Variants in TTC34 observed in about 807,000 individuals in gnomAD.
TTC34 encodes tetratricopeptide repeat protein 34.
A neutral mutation model predicts 40.7 loss-of-function variants in TTC34; 44 were observed. That is an observed-to-expected ratio of 1.08 (90% CI 0.85 to 1.39). TTC34 has a LOEUF of 1.39. Ranked by LOEUF, TTC34 falls within the 40% of genes most tolerant of loss-of-function variation. The pLI, the probability that TTC34 is intolerant of heterozygous loss-of-function variation, is 0.00. For synonymous variants in TTC34, 422 were observed against 398.6 expected (o/e 1.06, Z -0.70); for missense variants, 884 against 838.0 (o/e 1.05, Z -0.68).
At chr1:2,683,347 T>G (rs77135792) in intron 6 of TTC34, among the ~76,000 whole-genome samples, 3 of 105,378 alleles carry the variant, frequency 2.8e-5, no homozygotes, top group Admixed American at 1.0e-4. Flanking sequence ...AACACCACCC[T>G]GCACCCCCAG....
intron 8 of TTC34, 52 bp downstream of exon 8, chr1:2,644,212 C>T (rs1638971565): frequency 1.3e-6 from 2 of 1,495,448 alleles, no homozygotes; most frequent in Admixed American, 2.0e-5. Flanking sequence ...GGGTCTCATG[C>T]CTGTGTGCTG....
intron 6 of TTC34, among the ~76,000 whole-genome samples, chr1:2,691,134 C>A (rs571669290): frequency 1.5e-5 from 1 of 68,150 alleles, no homozygotes; most frequent in African/African-American, 5.0e-5. Context: ...TGGAACAGAA[C>A]CCACACCGCC....
At chr1:2,685,576 T>A (rs1177929707) in intron 6 of TTC34, among the ~76,000 whole-genome samples, 22 of 17,640 alleles carry the variant, frequency 1.2e-3, no homozygotes, top group Admixed American at 2.5e-3. Flanking sequence ...CGAGTATCTG[T>A]ACGCACAGAG....
rs1322046887 is a variant in TTC34, at chr1:2,787,468, C to T, written c.1854+13G>A. 5.5e-6 allele frequency: 8 copies of T among 1,466,456 alleles called. No homozygotes were observed. The South Asian group carries it at 1.1e-4, about 20-fold the overall frequency. The allele number at this position is 1,466,456 out of a possible 1,614,324, so 90.8% of individuals were successfully genotyped here. A position where few individuals can be genotyped will look rare whatever the true frequency, so the allele number is the denominator to read the frequency against. ...TTTCCACCTGCCCTCTGTCACCCCC[C>T]AGGCCTCCTCACCTGGTTGGCGTCA... On this transcript the variant is annotated intron_variant, in intron 4 of 8. Coordinates refer to ENST00000401095, the Ensembl canonical transcript of TTC34.
intron 6 of TTC34, among the ~76,000 whole-genome samples, chr1:2,750,858 C>T (rs1317820373): frequency 0.19 from 22,615 of 119,154 alleles, 4,275 homozygotes; most frequent in South Asian, 0.34. Flanking sequence ...CCCAGGTGAG[C>T]ATCTGACAGC....
chr1:2,789,282 A>G (rs1643631937), intron 3 of TTC34, among the ~76,000 whole-genome samples: 1 of 152,158 alleles, frequency 6.6e-6, no homozygotes, highest in Non-Finnish European at 1.5e-5. Context: ...ACATGCACCA[A>G]ACGAAAGGCC....
rs1435435372 is a variant in TTC34, at chr1:2,792,410, T to C, written c.785-2064A>G. 2.0e-5 allele frequency among the ~76,000 whole-genome samples: 3 copies of C among 152,230 alleles called. No individual in the cohort carries two copies. The East Asian group carries it at 5.8e-4, about 29-fold the overall frequency. ...TAGGGATTTCTTTTTCTCCTTACTG[T>C]AGCTCATATTTTATTTTCCTGTCTC... On this transcript the variant is annotated intron_variant, in intron 2 of 8. Coordinates refer to ENST00000401095, the Ensembl canonical transcript of TTC34.
rs138973064 is a variant in TTC34, at chr1:2,786,694, G to A, written c.1855-671C>T. Among the ~76,000 whole-genome samples, 526 of 152,306 alleles carry A rather than the reference G, an allele frequency of 3.5e-3. 3 individuals carry two copies. Among genetic ancestry groups the A allele is most frequent in the Non-Finnish European group, 6.0e-3 (407 of 68,008 alleles). On this transcript the variant is annotated intron_variant, in intron 4 of 8. Coordinates refer to ENST00000401095, the Ensembl canonical transcript of TTC34. ...CGCCAGGGAGTCCTTCAGACGACGC[G>A]GAGCAAAAGCCCAGCACGGCCAAGT...
At position 2,778,658 on chromosome 1, in the gene TTC34, C is replaced by G. The variant is rs531227815; in HGVS notation, c.2226+4951G>C. ...AGGCAGGGGAGGGGCCAGGCAACAC[C>G]TGGGCATATCCCCAGGGTGCCTCCT... On this transcript the variant is annotated intron_variant, in intron 6 of 8. Coordinates refer to ENST00000401095, the Ensembl canonical transcript of TTC34. Among the ~76,000 whole-genome samples, 8 of 152,364 alleles carry G rather than the reference C, an allele frequency of 5.3e-5. No homozygotes were observed. The East Asian group carries it at 1.5e-3, about 29-fold the overall frequency.
chr1:2,687,356 G>T (rs943753801), intron 6 of TTC34, among the ~76,000 whole-genome samples: 1 of 139,556 alleles, frequency 7.2e-6, no homozygotes, highest in Non-Finnish European at 1.5e-5. Flanking sequence ...GCCTGGAGCA[G>T]CACCCCCACC....
At chr1:2,686,041 C>T (rs1477306852) in intron 6 of TTC34, among the ~76,000 whole-genome samples, 1 of 118,260 alleles carries the variant, frequency 8.5e-6, no homozygotes, top group Non-Finnish European at 1.7e-5. Context: ...CACCCTGCAC[C>T]CCCAAGTGAG....
At chr1:2,789,697 G>A (rs1643639939) in exon 3 of TTC34, 2 of 1,167,184 alleles carry the variant, frequency 1.7e-6, no homozygotes, top group South Asian at 2.0e-5. Context: ...GCCTGCAGGC[G>A]GTGACATAGT....
At chr1:2,775,828 C>T (rs1329485089) in intron 6 of TTC34, among the ~76,000 whole-genome samples, 1 of 143,642 alleles carries the variant, frequency 7.0e-6, no homozygotes, top group Non-Finnish European at 1.5e-5. Flanking sequence ...GCAGCAGTGC[C>T]CACCCCTGGG....
intron 6 of TTC34, among the ~76,000 whole-genome samples, chr1:2,773,140 C>T (rs1283182136): frequency 3.5e-4 from 50 of 144,688 alleles, no homozygotes; most frequent in South Asian, 1.1e-3. Context: ...ACACACAACC[C>T]CAGGCGAGCA....
chr1:2,697,615 A>C, intron 6 of TTC34, among the ~76,000 whole-genome samples: 1 of 143,624 alleles, frequency 7.0e-6, no homozygotes, highest in Non-Finnish European at 1.6e-5. Context: ...ACCCCAGGTG[A>C]GCATCCGACA....
intron 6 of TTC34, among the ~76,000 whole-genome samples, chr1:2,657,456 C>T (rs1338425136): frequency 4.5e-5 from 4 of 89,838 alleles, no homozygotes; most frequent in Admixed American, 4.2e-4. Context: ...GAGCAGCACC[C>T]ACGCCCCCAG....
At chr1:2,647,939 G>T (rs1639053137) in intron 6 of TTC34, among the ~76,000 whole-genome samples, 1 of 151,662 alleles carries the variant, frequency 6.6e-6, no homozygotes, top group South Asian at 2.1e-4. Context: ...TGTTGTGCCT[G>T]CCTAGTAAGT....
intron 6 of TTC34, among the ~76,000 whole-genome samples, chr1:2,780,460 G>T (rs1425543923): frequency 6.6e-6 from 1 of 152,162 alleles, no homozygotes; most frequent in African/African-American, 2.4e-5. Flanking sequence ...TGTATGTAGT[G>T]TTAGGAAAGA....
chr1:2,641,536 A>C (rs1426578012), exon 9 of TTC34: 7 of 1,534,548 alleles, frequency 4.6e-6, no homozygotes, highest in Non-Finnish European at 6.1e-6. Context: ...ACATGCGTGC[A>C]GTGGGGGCCC....
Sources: allele counts gnomAD v4.1 joint callset (sites outside exome capture counted in the v4.1 genomes callset), GRCh38; gene constraint gnomAD v4.1.1; transcripts MANE v1.5; gene names NCBI Gene and HGNC (gene_info 2026-07-23, HGNC 2026-07-21).